Variants in TNFRSF8 observed in about 807,000 individuals in gnomAD.
The protein encoded by TNFRSF8 is TNF receptor superfamily member 8, also known as tumor necrosis factor receptor superfamily member 8.
A neutral mutation model predicts 70.8 loss-of-function variants in TNFRSF8; 26 were observed. The ratio of observed to expected loss-of-function variants is 0.37; its 90% CI spans 0.27 to 0.51. The LOEUF (loss-of-function observed/expected upper bound fraction) is 0.51. TNFRSF8 is among the 20% of genes least tolerant of loss of function. The probability of loss-of-function intolerance (pLI) is 0.94; values close to 1 mark genes in which losing one functional copy is unlikely to be tolerated. For missense variants in TNFRSF8, 720 were observed against 807.9 expected (o/e 0.89, Z 1.32); for synonymous variants, 356 against 339.2 (o/e 1.05, Z -0.54).
rs1641563655 is a variant in TNFRSF8, at chr1:12,108,300, G to A, written c.422-1266G>A. Among the ~76,000 whole-genome samples, 1 of 151,724 alleles carries A rather than the reference G, an allele frequency of 6.6e-6. No individual in the cohort carries two copies. The highest frequency in any genetic ancestry group is 2.1e-4 in the South Asian group (1 of 4,808). ...TCACTATGTTGTCCAGGCTGGTCTC[G>A]AACTCCTGACCTCATGATCCGCCCA... On this transcript the variant is annotated intron_variant, in intron 4 of 14. Transcript: ENST00000263932. The surrounding 1 kb of genome is among the most constrained non-coding windows in gnomAD (Gnocchi z 4.0).
Position 12,119,084 on chromosome 1 carries a change from C to T in TNFRSF8, c.946+3355C>T, listed in dbSNP as rs1439868428. On this transcript the variant is annotated intron_variant, in intron 8 of 14. Coordinates refer to ENST00000263932, the MANE Select transcript of TNFRSF8 (RefSeq NM_001243.5). The surrounding 1 kb of genome is among the most constrained non-coding windows in gnomAD (Gnocchi z 4.4). Reference sequence around the variant, plus strand: ...TTCACCATGATGGTCAGGCTGGTCTCGAACTCCTGACCTGGTGATCCGCCT... The same window carrying T: ...TTCACCATGATGGTCAGGCTGGTCTTGAACTCCTGACCTGGTGATCCGCCT... 5.9e-5 allele frequency among the ~76,000 whole-genome samples: 9 copies of T among 152,192 alleles called. No homozygotes were observed. The highest frequency in any genetic ancestry group is 1.4e-4 in the African/African-American group (6 of 41,452).
intron 12 of TNFRSF8, among the ~76,000 whole-genome samples, chr1:12,135,108 G>C (rs989160206): frequency 1.3e-5 from 2 of 152,082 alleles, no homozygotes; most frequent in African/African-American, 4.8e-5. Context: ...GAGGTCAGGA[G>C]TTTGAGACCG....
At chr1:12,080,448 C>T in intron 1 of TNFRSF8, 2 of 525,990 alleles carry the variant, frequency 3.8e-6, no homozygotes, top group South Asian at 2.8e-5. Flanking sequence ...TTGTTGTCTT[C>T]TATCTTCTTC....
chr1:12,122,646 C>G (rs1030126156), intron 8 of TNFRSF8, among the ~76,000 whole-genome samples: 3 of 151,506 alleles, frequency 2.0e-5, no homozygotes, highest in African/African-American at 7.3e-5. Context: ...GACTCAATCT[C>G]AAAAAATTAA....
At chr1:12,095,230 T>C (rs951012932) in intron 2 of TNFRSF8, among the ~76,000 whole-genome samples, 1 of 152,170 alleles carries the variant, frequency 6.6e-6, no homozygotes, top group Admixed American at 6.5e-5. Context: ...GCTTTGAAAC[T>C]GTGGAGTTAT....
intron 2 of TNFRSF8, among the ~76,000 whole-genome samples, chr1:12,089,305 A>G (rs1641206851): frequency 6.6e-6 from 1 of 152,028 alleles, no homozygotes; most frequent in Non-Finnish European, 1.5e-5. Flanking sequence ...TAGAGTCTCA[A>G]TTTTTGAAAG....
intron 14 of TNFRSF8, among the ~76,000 whole-genome samples, chr1:12,140,753 T>A (rs1267695018): frequency 1.3e-5 from 2 of 152,176 alleles, no homozygotes; most frequent in Non-Finnish European, 2.9e-5. Context: ...GGGACCAGCC[T>A]GTCCCCAGCT....
chr1:12,102,804 G>A (rs1204505286), intron 3 of TNFRSF8, among the ~76,000 whole-genome samples: 1 of 152,166 alleles, frequency 6.6e-6, no homozygotes, highest in Non-Finnish European at 1.5e-5. Context: ...GGGATTACAA[G>A]TGTGAACCAC....
rs11121866 is a variant in TNFRSF8 at position 12,110,519 on chromosome 1, G to T, written c.676+315G>T. Among the ~76,000 whole-genome samples, 6 of 152,174 alleles carry T rather than the reference G, an allele frequency of 3.9e-5. No individual in the cohort carries two copies. Among genetic ancestry groups the T allele is most frequent in the African/African-American group, 1.4e-4 (6 of 41,434 alleles). ...CCCACTCTGCTGTTGTGACACTTGC[G>T]ACTCAGCTGGCCAGCCTCTGCACGT... is the stretch of plus-strand genomic sequence containing the variant. On this transcript the variant is annotated intron_variant, in intron 6 of 14. Coordinates refer to ENST00000263932, the MANE Select transcript of TNFRSF8 (RefSeq NM_001243.5). This position sits in a 1 kb window ranked among gnomAD's most constrained non-coding sequence, Gnocchi z 4.0.
chr1:12,083,694 T>TA (rs1262208441), intron 1 of TNFRSF8, among the ~76,000 whole-genome samples: 2 of 151,322 alleles, frequency 1.3e-5, no homozygotes, highest in East Asian at 3.9e-4. Flanking sequence ...CTCAACAAAT[T>TA]AAAAAAAAGA....
At position 12,142,549 on chromosome 1, in the gene TNFRSF8, G is replaced by A. The variant is rs773608645; in HGVS notation, c.*18G>A. The A allele has an allele frequency of 1.9e-6, 3 of 1,553,714 alleles. No homozygotes were observed. The highest frequency in any genetic ancestry group is 2.7e-5 in the African/African-American group (2 of 73,368). On this transcript the variant is annotated 3_prime_UTR_variant, in exon 15 of 15. Coordinates refer to ENST00000263932, the MANE Select transcript of TNFRSF8 (RefSeq NM_001243.5). This position sits in a 1 kb window ranked among gnomAD's most constrained non-coding sequence, Gnocchi z 5.0. ...GAAAGTGAGGCCTGGGCTGGGCTGG[G>A]GCTAGGAGGGCAGCAGGGTGGCCTC...
At chr1:12,135,766 G>A (rs931547848) in intron 13 of TNFRSF8, among the ~76,000 whole-genome samples, 153 bp downstream of exon 13, 9 of 152,148 alleles carry the variant, frequency 5.9e-5, no homozygotes, top group Non-Finnish European at 8.8e-5. Context: ...GTGCAGGCCC[G>A]TCCTGCAAGT....
chr1:12,125,667 T>G (rs577793806), intron 10 of TNFRSF8, among the ~76,000 whole-genome samples: 1 of 152,334 alleles, frequency 6.6e-6, no homozygotes, highest in African/African-American at 2.4e-5. Flanking sequence ...AGTCCCCAAA[T>G]TTTGGTCTAT....
At chr1:12,137,943 A>G (rs1270156044) in intron 13 of TNFRSF8, among the ~76,000 whole-genome samples, 3 of 152,122 alleles carry the variant, frequency 2.0e-5, no homozygotes, top group Admixed American at 6.6e-5. Context: ...CACCTCATAC[A>G]GTGGTTGTGA....
chr1:12,064,491 A>G (rs928705561), intron 1 of TNFRSF8, among the ~76,000 whole-genome samples: 1 of 140,056 alleles, frequency 7.1e-6, no homozygotes, highest in Non-Finnish European at 1.5e-5. Flanking sequence ...ATAGAACCAT[A>G]GTAGGTGCGA....
chr1:12,083,494 G>A (rs1467997186), intron 1 of TNFRSF8, among the ~76,000 whole-genome samples: 2 of 152,162 alleles, frequency 1.3e-5, no homozygotes, highest in Non-Finnish European at 2.9e-5. Context: ...TTCAAGACCA[G>A]CCTGACCAAC....
intron 13 of TNFRSF8, among the ~76,000 whole-genome samples, chr1:12,136,576 G>A (rs944619678): frequency 1.3e-5 from 2 of 151,736 alleles, no homozygotes; most frequent in African/African-American, 4.9e-5. Flanking sequence ...TTGAGCCTGG[G>A]GGACAGAGGT....
At chr1:12,118,291 A>G (rs1369840807) in intron 8 of TNFRSF8, among the ~76,000 whole-genome samples, 3 of 152,044 alleles carry the variant, frequency 2.0e-5, no homozygotes, top group Non-Finnish European at 4.4e-5. Context: ...TTGTATTTTT[A>G]GTAGAGACGG....
intron 2 of TNFRSF8, among the ~76,000 whole-genome samples, chr1:12,085,573 C>T (rs1641140067): frequency 6.6e-6 from 1 of 152,150 alleles, no homozygotes; most frequent in Non-Finnish European, 1.5e-5. Flanking sequence ...CTTGACTGCC[C>T]CAGCTCAGGA....
Sources: gnomAD v4.1 joint callset for allele counts (sites outside exome capture counted in the v4.1 genomes callset) on GRCh38, gnomAD v4.1.1 for gene constraint, Gnocchi (gnomAD v3.1) non-coding constraint, MANE v1.5 for transcripts, NCBI Gene and HGNC (gene_info 2026-07-23, HGNC 2026-07-21) for gene names.